Variants in TMEM127 observed in about 807,000 individuals in gnomAD.
The protein encoded by TMEM127 is transmembrane protein 127.
Under a neutral mutation model 20.1 loss-of-function variants are expected in TMEM127, and 21 were observed. The observed-to-expected ratio is 1.04, with a 90% CI of 0.74 to 1.50. The LOEUF is 1.50. Ranked by LOEUF, TMEM127 falls within the 40% of genes most tolerant of loss-of-function variation. TMEM127 has a pLI of 0.00. For missense variants in TMEM127, 303 were observed against 317.4 expected (o/e 0.95, Z 0.34); for synonymous variants, 150 against 144.7 (o/e 1.04, Z -0.26).
At chr2:96,262,634 G>A (rs1276839154) in intron 2 of TMEM127, among the ~76,000 whole-genome samples, 1 of 152,266 alleles carries the variant, frequency 6.6e-6, no homozygotes, top group Admixed American at 6.5e-5. Flanking sequence ...CAAATGTAAT[G>A]TAAAGGTTAA....
At chr2:96,261,368 T>C (rs1198938563) in intron 2 of TMEM127, among the ~76,000 whole-genome samples, 1 of 151,986 alleles carries the variant, frequency 6.6e-6, no homozygotes, top group Admixed American at 6.6e-5. Flanking sequence ...CTTGAACTCC[T>C]GGACTCAAGT....
In TMEM127 at chr2:96,265,118, C is replaced by T; in HGVS notation, c.244+20G>A. On this transcript the variant is annotated intron_variant, in intron 2 of 3. Coordinates refer to ENST00000258439, the MANE Select transcript of TMEM127 (RefSeq NM_017849.4). The stretch of plus-strand genomic sequence containing the variant: ...CTGTCCCCCACCGAGGCTTTAAGGG[C>T]CAGCGCGCAGCACCCTCACCTTTCA... 6.2e-7 allele frequency: 1 copy of T among 1,611,820 alleles called. No individual in the cohort carries two copies. Among genetic ancestry groups the T allele is most frequent in the Non-Finnish European group, 8.5e-7 (1 of 1,179,686 alleles).
In TMEM127 at chr2:96,248,858, CTCTT is replaced by C; in HGVS notation, c.*4946_*4949del. The C allele has an allele frequency of 4.3e-6, 1 of 232,416 alleles. No individual in the cohort carries two copies. Among genetic ancestry groups the C allele is most frequent in the Non-Finnish European group, 8.5e-6 (1 of 117,518 alleles). 14.4% of individuals were successfully genotyped at this position (232,416 alleles called of 1,614,324 possible). On this transcript the variant is annotated 3_prime_UTR_variant, in exon 4 of 4. Transcript: ENST00000258439. ...CTCTGGAAAGTTCTTCGTTACCTGA[CTCTT>C]TAGACACAGGGTTGGCTGGAGGGGC...
chr2:96,259,435 T>C (rs1290232209), intron 2 of TMEM127, among the ~76,000 whole-genome samples: 1 of 152,224 alleles, frequency 6.6e-6, no homozygotes, highest in Non-Finnish European at 1.5e-5. Flanking sequence ...TGTGCGTGAA[T>C]GAGGGGTCAG....
Position 96,265,432 on chromosome 2 carries a change from C to T in TMEM127, c.-51G>A, listed in dbSNP as rs909573268. On this transcript the variant is annotated 5_prime_UTR_variant, in exon 2 of 4. Transcript: ENST00000258439. ...GCAGTCGCTGCTGGTCGCCGCCGACCTCCGCGGGGCGCGCAGAGCCTGACA... is the reference window on the plus strand; with the variant it reads ...GCAGTCGCTGCTGGTCGCCGCCGACTTCCGCGGGGCGCGCAGAGCCTGACA... 5.3e-5 allele frequency: 69 copies of T among 1,313,054 alleles called. No homozygotes were observed. The highest frequency in any genetic ancestry group is 6.5e-5 in the Non-Finnish European group (68 of 1,038,300). 81.3% of individuals were successfully genotyped at this position (1,313,054 alleles called of 1,614,324 possible).
intron 2 of TMEM127, among the ~76,000 whole-genome samples, chr2:96,259,228 C>T (rs1684268075): frequency 6.6e-6 from 1 of 152,238 alleles, no homozygotes; most frequent in South Asian, 2.1e-4. Context: ...AAGTGCCCCC[C>T]TGGGGGATTT....
chr2:96,253,382 G>A lies in TMEM127; in HGVS notation c.*426C>T, dbSNP rs775256522. 1 of 265,142 alleles carries A rather than the reference G, an allele frequency of 3.8e-6. No individual in the cohort carries two copies. The allele number at this position is 265,142 out of a possible 1,614,324, so 16.4% of individuals were successfully genotyped here. On this transcript the variant is annotated 3_prime_UTR_variant, in exon 4 of 4. Coordinates refer to ENST00000258439, the MANE Select transcript of TMEM127 (RefSeq NM_017849.4). This position sits in a 1 kb window ranked among gnomAD's most constrained non-coding sequence, Gnocchi z 4.3. ...GCGTCAGCCCAGAGCTACAGCTGTG[G>A]AGCAAACACTGATCCCTGTGAAGTG... is the stretch of plus-strand genomic sequence containing the variant.
At chr2:96,257,747 C>T (rs1279707684) in intron 2 of TMEM127, among the ~76,000 whole-genome samples, 1 of 152,012 alleles carries the variant, frequency 6.6e-6, no homozygotes, top group African/African-American at 2.4e-5. Context: ...AACCCTGTCT[C>T]TACTAAAAAT....
chr2:96,259,252 G>A (rs1684268324), intron 2 of TMEM127, among the ~76,000 whole-genome samples: 1 of 152,258 alleles, frequency 6.6e-6, no homozygotes, highest in South Asian at 2.1e-4. Context: ...ACACAGCTCA[G>A]ATGAGGAGTC....
rs1048895133 is a variant in TMEM127, at chr2:96,249,282, G to C, written c.*4526C>G. 5 of 205,542 alleles carry C rather than the reference G, an allele frequency of 2.4e-5. No individual in the cohort carries two copies. Among genetic ancestry groups the C allele is most frequent in the African/African-American group, 1.1e-4 (5 of 43,828 alleles). The allele number at this position is 205,542 out of a possible 1,614,324, so 12.7% of individuals were successfully genotyped here. ...CTGGTTAATTTTTGTATTTTTAGTA[G>C]AGACGGGGTTTCACCATGTTGGCCA... is the stretch of plus-strand genomic sequence containing the variant. On this transcript the variant is annotated 3_prime_UTR_variant, in exon 4 of 4. Transcript: ENST00000258439.
rs1253358460 is a variant in TMEM127, at chr2:96,254,130, G to A, written c.410-15C>T. On this transcript the variant is annotated splice_polypyrimidine_tract_variant and intron_variant, in intron 3 of 3. Transcript: ENST00000258439. ...ACACTGCAGAACTAGGAGACAGAGGGACAGCACAGAAGGGGAATTAGTGAG... is the reference window on the plus strand; with the variant it reads ...ACACTGCAGAACTAGGAGACAGAGGAACAGCACAGAAGGGGAATTAGTGAG... 1 of 1,612,882 alleles carries A rather than the reference G, an allele frequency of 6.2e-7. No homozygotes were observed.
At position 96,251,118 on chromosome 2, in the gene TMEM127, T is replaced by C; in HGVS notation, c.*2690A>G. The C allele has an allele frequency of 4.6e-6, 1 of 215,282 alleles. No individual in the cohort carries two copies. 13.3% of individuals were successfully genotyped at this position (215,282 alleles called of 1,614,324 possible). On this transcript the variant is annotated 3_prime_UTR_variant, in exon 4 of 4. Coordinates refer to ENST00000258439, the MANE Select transcript of TMEM127 (RefSeq NM_017849.4). The stretch of plus-strand genomic sequence containing the variant: ...AGTCAGCTACTATTTCTAGCTGTTC[T>C]AGAAAGACCTAGAAACTTCCTGTGT...
chr2:96,265,338 C>T lies in TMEM127; in HGVS notation c.44G>A (p.Arg15Gln). 6.6e-7 allele frequency: 1 copy of T among 1,507,934 alleles called. No individual in the cohort carries two copies. Among genetic ancestry groups the T allele is most frequent in the South Asian group, 1.2e-5 (1 of 80,304 alleles). 93.4% of individuals were successfully genotyped at this position (1,507,934 alleles called of 1,614,324 possible). A position where few individuals can be genotyped will look rare whatever the true frequency, so the allele number is the denominator to read the frequency against. The change falls in exon 2 of 4, where the codon CGG (arginine) becomes CAG (glutamine). Residue 15 changes from arginine (R) to glutamine (Q), a missense_variant. By Grantham distance (43) the Arg-to-Gln change is conservative. Coordinates refer to ENST00000258439, the MANE Select transcript of TMEM127 (RefSeq NM_017849.4). ...CAGAGCGCTGCCTCCCGGGCTCCTCCGCCGGCGCCCGCCGGGCAGCCCTGC... is the reference window on the plus strand; with the variant it reads ...CAGAGCGCTGCCTCCCGGGCTCCTCTGCCGGCGCCCGCCGGGCAGCCCTGC... ...GGAGLPGGRR[R>Q]RSPGGSALPK...
At chr2:96,259,127 G>A (rs1684265869) in intron 2 of TMEM127, among the ~76,000 whole-genome samples, 1 of 152,218 alleles carries the variant, frequency 6.6e-6, no homozygotes, top group Non-Finnish European at 1.5e-5. Flanking sequence ...CCCTCCCCTT[G>A]CGGATGTCCA....
Position 96,250,991 on chromosome 2 carries a change from TCC to T in TMEM127, c.*2815_*2816del, listed in dbSNP as rs1684076063. The stretch of plus-strand genomic sequence containing the variant: ...CCACAGCCCAAAGAAGTCTATTTCC[TCC>T]CACAGGATGGCTAGAGTTTAGGAGC... On this transcript the variant is annotated 3_prime_UTR_variant, in exon 4 of 4. Coordinates refer to ENST00000258439, the MANE Select transcript of TMEM127 (RefSeq NM_017849.4). 4.4e-6 allele frequency: 1 copy of T among 226,106 alleles called. No individual in the cohort carries two copies. The highest frequency in any genetic ancestry group is 8.8e-6 in the Non-Finnish European group (1 of 113,584). 14.0% of individuals were successfully genotyped at this position (226,106 alleles called of 1,614,324 possible).
Position 96,260,235 on chromosome 2 carries a change from A to G in TMEM127, c.244+4903T>C, listed in dbSNP as rs75913107. 2.0e-3 allele frequency among the ~76,000 whole-genome samples: 298 copies of G among 152,312 alleles called. 1 individual carries two copies. Among genetic ancestry groups the G allele is most frequent in the African/African-American group, 6.9e-3 (287 of 41,558 alleles). ...CCGGAAGAACAGGCAGTTATCCTAGACAGGCTTGGAGCCCAGCTCAGAGAC... is the reference window on the plus strand; with the variant it reads ...CCGGAAGAACAGGCAGTTATCCTAGGCAGGCTTGGAGCCCAGCTCAGAGAC... On this transcript the variant is annotated intron_variant, in intron 2 of 3. Transcript: ENST00000258439.
chr2:96,261,138 C>T (rs114630729), intron 2 of TMEM127, among the ~76,000 whole-genome samples: 1 of 152,342 alleles, frequency 6.6e-6, no homozygotes, highest in African/African-American at 2.4e-5. Context: ...GGCAGAAAGG[C>T]TCAGAAGAAA....
At chr2:96,260,791 G>GC (rs1684298814) in intron 2 of TMEM127, among the ~76,000 whole-genome samples, 1 of 152,134 alleles carries the variant, frequency 6.6e-6, no homozygotes, top group African/African-American at 2.4e-5. Flanking sequence ...CTTCCCCAAT[G>GC]CCCCAATCCC....
At chr2:96,259,589 C>A (rs1031993604) in intron 2 of TMEM127, among the ~76,000 whole-genome samples, 1 of 152,202 alleles carries the variant, frequency 6.6e-6, no homozygotes, top group African/African-American at 2.4e-5. Flanking sequence ...TTGGGCAAAA[C>A]CTGCCAGGCA....
Sources: gnomAD v4.1 joint callset for allele counts (sites outside exome capture counted in the v4.1 genomes callset) on GRCh38, gnomAD v4.1.1 for gene constraint, Gnocchi (gnomAD v3.1) non-coding constraint, MANE v1.5 for transcripts, NCBI Gene and HGNC (gene_info 2026-07-23, HGNC 2026-07-21) for gene names.